CPED1: variants seen among roughly 807,000 people sequenced by gnomAD.
CPED1 encodes cadherin like and PC-esterase domain containing 1.
In CPED1, 114 loss-of-function variants were observed where a neutral mutation model predicts 128.2. That is an observed-to-expected ratio of 0.89 (90% CI 0.76 to 1.04). CPED1 has a LOEUF of 1.04. CPED1 is among the 50% of genes least tolerant of loss of function. CPED1 has a pLI of 0.00. For synonymous variants in CPED1, 462 were observed against 426.7 expected (o/e 1.08, Z -1.02); for missense variants, 1,211 against 1,207.1 (o/e 1.00, Z -0.05).
chr7:121,210,492 C>T (rs1262061339), intron 16 of CPED1, among the ~76,000 whole-genome samples: 1 of 151,938 alleles, frequency 6.6e-6, no homozygotes, highest in Non-Finnish European at 1.5e-5. Flanking sequence ...GAATTAAATC[C>T]TGTTGTTTAC....
chr7:121,096,567 A>G (rs1794703914), intron 5 of CPED1, among the ~76,000 whole-genome samples: 1 of 152,176 alleles, frequency 6.6e-6, no homozygotes, highest in Non-Finnish European at 1.5e-5. Flanking sequence ...ACACATACCA[A>G]TACAAATCCG....
At chr7:121,115,878 A>G (rs1172680662) in intron 7 of CPED1, among the ~76,000 whole-genome samples, 2 of 152,218 alleles carry the variant, frequency 1.3e-5, no homozygotes, top group African/African-American at 2.4e-5. Flanking sequence ...AGAGAGTTCA[A>G]TGATAAAATC....
intron 16 of CPED1, among the ~76,000 whole-genome samples, chr7:121,203,593 A>G (rs1273619884): frequency 1.3e-5 from 2 of 151,934 alleles, no homozygotes; most frequent in African/African-American, 4.8e-5. Context: ...AATTGCTCTC[A>G]GTGTAGTTGA....
At chr7:121,256,129 C>CAAAACA (rs1791862887) in intron 18 of CPED1, among the ~76,000 whole-genome samples, 2 of 101,264 alleles carry the variant, frequency 2.0e-5, no homozygotes, top group East Asian at 4.8e-4. Flanking sequence ...AAAAACAAAA[C>CAAAACA]AAAAAAAAAA....
chr7:121,206,742 G>T (rs147574157), intron 16 of CPED1, among the ~76,000 whole-genome samples: 2 of 150,554 alleles, frequency 1.3e-5, no homozygotes, highest in South Asian at 2.1e-4. Flanking sequence ...GTTTTTTAAC[G>T]GCTGAAAAAA....
chr7:121,026,046 C>G (rs990978837), intron 3 of CPED1, among the ~76,000 whole-genome samples: 1 of 152,152 alleles, frequency 6.6e-6, no homozygotes, highest in Non-Finnish European at 1.5e-5. Context: ...TCACATCCCC[C>G]GTCCCCGTTA....
intron 18 of CPED1, among the ~76,000 whole-genome samples, chr7:121,250,771 G>A (rs1798653059): frequency 6.6e-6 from 1 of 152,108 alleles, no homozygotes; most frequent in Non-Finnish European, 1.5e-5. Flanking sequence ...AAACCAGGAA[G>A]AAGTTGAATC....
intron 3 of CPED1, among the ~76,000 whole-genome samples, chr7:121,025,554 A>G (rs1330450036): frequency 6.6e-6 from 1 of 152,150 alleles, no homozygotes; most frequent in Non-Finnish European, 1.5e-5. Context: ...GATGAAATGC[A>G]TGAGCCGTAG....
At chr7:121,233,692 T>C (rs976861241) in intron 16 of CPED1, among the ~76,000 whole-genome samples, 1 of 152,056 alleles carries the variant, frequency 6.6e-6, no homozygotes, top group Non-Finnish European at 1.5e-5. Context: ...ATGTTATTAC[T>C]GTGATTAATC....
chr7:121,003,226 C>A (rs1423027135), intron 2 of CPED1, among the ~76,000 whole-genome samples: 2 of 152,172 alleles, frequency 1.3e-5, no homozygotes, highest in African/African-American at 4.8e-5. Flanking sequence ...TCACCTCCTG[C>A]CTTCCTAAGA....
intron 16 of CPED1, among the ~76,000 whole-genome samples, chr7:121,167,877 G>A (rs920816754): frequency 6.6e-6 from 1 of 151,770 alleles, no homozygotes. Flanking sequence ...GACTACAGGC[G>A]CCTGCCACCA....
intron 6 of CPED1, among the ~76,000 whole-genome samples, chr7:121,098,757 A>ATATAT (rs1794761840): frequency 2.0e-5 from 1 of 49,548 alleles, no homozygotes; most frequent in Non-Finnish European, 3.8e-5. Context: ...AATATATAAA[A>ATATAT]ATATATATAA....
At chr7:121,140,756 AATCATATATT>A in intron 14 of CPED1, 61 bp from the exon 15 acceptor site, 1 of 1,089,572 alleles carries the variant, frequency 9.2e-7, no homozygotes, top group Non-Finnish European at 1.3e-6. Flanking sequence ...AGAAAAACCT[AATCATATATT>A]ATTTAAAGAT....
intron 3 of CPED1, among the ~76,000 whole-genome samples, chr7:121,035,339 C>T (rs1792857241): frequency 6.6e-6 from 1 of 152,048 alleles, no homozygotes; most frequent in Admixed American, 6.6e-5. Context: ...GGAAGACTAG[C>T]TAGAAGACTT....
rs1052292557 is a variant in CPED1 at position 121,023,031 on chromosome 7, T to C, written c.433+7183T>C. 2.0e-5 allele frequency among the ~76,000 whole-genome samples: 3 copies of C among 151,908 alleles called. No homozygotes were observed. The East Asian group carries it at 5.8e-4, about 29-fold the overall frequency. ...TAGTAAGTGGCCAAAAAAAAAAAGA[T>C]ACATATTTTTCAAAGTTTTTAACCT... On this transcript the variant is annotated intron_variant, in intron 3 of 22. Coordinates refer to ENST00000310396, the MANE Select transcript of CPED1 (RefSeq NM_024913.5).
At chr7:121,267,775 C>G (rs1209879908) in intron 21 of CPED1, among the ~76,000 whole-genome samples, 1 of 152,026 alleles carries the variant, frequency 6.6e-6, no homozygotes. Context: ...ACCAGCTGCT[C>G]TTGCTCAAGT....
chr7:121,040,404 G>C (rs1271340356), intron 3 of CPED1, among the ~76,000 whole-genome samples: 2 of 152,070 alleles, frequency 1.3e-5, no homozygotes, highest in Admixed American at 6.6e-5. Flanking sequence ...CTGTGGTACT[G>C]TTCCATAGAT....
At chr7:121,159,881 C>A (rs927385823) in intron 16 of CPED1, among the ~76,000 whole-genome samples, 30 of 152,190 alleles carry the variant, frequency 2.0e-4, no homozygotes, top group African/African-American at 7.2e-4. Context: ...CTGTTCAAAC[C>A]AAATACAAAA....
intron 22 of CPED1, among the ~76,000 whole-genome samples, chr7:121,275,198 C>T (rs1433897559): frequency 6.6e-6 from 1 of 152,068 alleles, no homozygotes; most frequent in Non-Finnish European, 1.5e-5. Flanking sequence ...TGAGCTCTCA[C>T]TGCCATAGGT....
Sources: gnomAD v4.1 joint callset for allele counts (sites outside exome capture counted in the v4.1 genomes callset) on GRCh38, gnomAD v4.1.1 for gene constraint, MANE v1.5 for transcripts, NCBI Gene and HGNC (gene_info 2026-07-23, HGNC 2026-07-21) for gene names.